PTPRQ: variants seen among roughly 807,000 people sequenced by gnomAD.
The protein encoded by PTPRQ is protein tyrosine phosphatase receptor type Q.
In PTPRQ, 199 loss-of-function variants were observed where a neutral mutation model predicts 246.0. The ratio of observed to expected loss-of-function variants is 0.81; its 90% CI spans 0.72 to 0.91. The LOEUF (loss-of-function observed/expected upper bound fraction) is 0.91. Among genes scored for constraint, PTPRQ ranks in the 40% least tolerant of loss-of-function variants. The pLI, the probability that PTPRQ is intolerant of heterozygous loss-of-function variation, is 0.00. For missense variants in PTPRQ, 2,624 were observed against 2,528.4 expected, an observed-to-expected ratio of 1.04 and a Z score of -0.81; for synonymous variants, 869 against 853.2, an observed-to-expected ratio of 1.02 and a Z score of -0.32.
At position 80,575,725 on chromosome 12, in the gene PTPRQ, G is replaced by C. The variant is rs889052796; in HGVS notation, c.4286-12404G>C. Reference sequence around the variant, plus strand: ...GTGGTGGCACATGCCTGTAATCCCAGCTGCTCAGGAGGGTGAGGTGGGACA... The same window carrying C: ...GTGGTGGCACATGCCTGTAATCCCACCTGCTCAGGAGGGTGAGGTGGGACA... On this transcript the variant is annotated intron_variant, in intron 25 of 44. Coordinates refer to ENST00000644991, the MANE Select transcript of PTPRQ (RefSeq NM_001145026.2). 5.3e-5 allele frequency among the ~76,000 whole-genome samples: 8 copies of C among 151,052 alleles called. No homozygotes were observed. In the East Asian group the frequency reaches 1.6e-3, roughly 30 times the overall value.
intron 3 of PTPRQ, among the ~76,000 whole-genome samples, chr12:80,456,474 A>C (rs1188953729): frequency 1.3e-5 from 2 of 152,064 alleles, no homozygotes; most frequent in Admixed American, 6.5e-5. Context: ...ACACATTCAG[A>C]TTAATTAACA....
In PTPRQ at chr12:80,616,372, GC is replaced by G. The variant is rs755165118; in HGVS notation, c.5230+107del. The G allele has an allele frequency of 1.4e-5, 15 of 1,084,820 alleles. No homozygotes were observed. In the Admixed American group the frequency reaches 1.6e-4, roughly 12 times the overall value. 67.2% of individuals were successfully genotyped at this position (1,084,820 alleles called of 1,614,324 possible). The stretch of plus-strand genomic sequence containing the variant: ...AGACAAGCCTTTAAGTGATAAATAT[GC>G]ATATATTAAGCACATACTAAGTAAA... On this transcript the variant is annotated intron_variant, in intron 30 of 44. Coordinates refer to ENST00000644991, the MANE Select transcript of PTPRQ (RefSeq NM_001145026.2).
In PTPRQ at chr12:80,624,233, G is replaced by T. The variant is rs924449232; in HGVS notation, c.5686+2099G>T. 8.5e-5 allele frequency among the ~76,000 whole-genome samples: 13 copies of T among 152,182 alleles called. 1 individual carries two copies. Among genetic ancestry groups the T allele is most frequent in the Admixed American group, 8.5e-4 (13 of 15,274 alleles). ...AGGAAGGAGGGACTGGTGAAATGTAGACTGGACACAATATATAGAAAGGCA... is the reference window on the plus strand; with the variant it reads ...AGGAAGGAGGGACTGGTGAAATGTATACTGGACACAATATATAGAAAGGCA... On this transcript the variant is annotated intron_variant, in intron 33 of 44. Transcript: ENST00000644991.
intron 19 of PTPRQ, among the ~76,000 whole-genome samples, chr12:80,536,303 G>C (rs1358364745): frequency 6.6e-6 from 1 of 152,164 alleles, no homozygotes; most frequent in Non-Finnish European, 1.5e-5. Flanking sequence ...GACAGCCCAA[G>C]TTTAGTCACT....
At chr12:80,580,061 C>T (rs150189793) in intron 25 of PTPRQ, among the ~76,000 whole-genome samples, 125 of 152,202 alleles carry the variant, frequency 8.2e-4, no homozygotes, top group Non-Finnish European at 1.5e-3. Flanking sequence ...CCTTCACAAT[C>T]CTATCAGGAG....
intron 17 of PTPRQ, among the ~76,000 whole-genome samples, chr12:80,533,748 A>G (rs1370665886): frequency 1.3e-5 from 2 of 152,040 alleles, no homozygotes. Flanking sequence ...AATATCCATT[A>G]AAATTGGTCC....
At chr12:80,484,305 C>T in intron 8 of PTPRQ, 128 bp from the exon 9 acceptor site, 1 of 1,191,366 alleles carries the variant, frequency 8.4e-7, no homozygotes, top group Non-Finnish European at 1.1e-6. Context: ...CCGCACCTAG[C>T]CTAGTCTGTT....
intron 10 of PTPRQ, among the ~76,000 whole-genome samples, chr12:80,493,899 G>A (rs1483104102): frequency 1.3e-5 from 2 of 151,992 alleles, no homozygotes; most frequent in East Asian, 1.9e-4. Flanking sequence ...CCCCAACGAT[G>A]TGGTGATGTC....
chr12:80,484,541 T>A lies in PTPRQ; in HGVS notation c.1295T>A (p.Val432Glu), dbSNP rs1274226406. The change falls in exon 9 of 45, where the codon GTG (valine) becomes GAG (glutamate). Residue 432 changes from valine (V) to glutamate (E), a missense_variant. Coordinates refer to ENST00000644991, the MANE Select transcript of PTPRQ (RefSeq NM_001145026.2). Reference sequence around the variant, plus strand: ...AATGGAATTATTAACCAATACCGAGTGAAAGTGCTAGTTCCAGAGACAGGA... The same window carrying A: ...AATGGAATTATTAACCAATACCGAGAGAAAGTGCTAGTTCCAGAGACAGGA... ...QPNGIINQYRVKVLVPETGII... is the reference protein window; with the variant it reads ...QPNGIINQYREKVLVPETGII... 2.6e-6 allele frequency: 4 copies of A among 1,551,026 alleles called. No homozygotes were observed. Among genetic ancestry groups the A allele is most frequent in the Admixed American group, 2.0e-5 (1 of 50,932 alleles).
chr12:80,660,641 CTTTAA>C (rs1468763459), intron 39 of PTPRQ, among the ~76,000 whole-genome samples: 1 of 151,992 alleles, frequency 6.6e-6, no homozygotes, highest in Admixed American at 6.6e-5. Flanking sequence ...CCTGCAATTA[CTTTAA>C]TTTGATGACA....
chr12:80,473,045 A>ATG (rs1555185234), intron 8 of PTPRQ, among the ~76,000 whole-genome samples: 1 of 92,388 alleles, frequency 1.1e-5, no homozygotes, highest in East Asian at 3.1e-4. Context: ...ACTCACACAC[A>ATG]CGCACACACA....
At chr12:80,600,275 G>A (rs941109215) in intron 26 of PTPRQ, among the ~76,000 whole-genome samples, 1 of 151,614 alleles carries the variant, frequency 6.6e-6, no homozygotes, top group Non-Finnish European at 1.5e-5. Flanking sequence ...TCTGCTTGGG[G>A]TCACACACTC....
At chr12:80,475,773 T>C (rs1306610916) in intron 8 of PTPRQ, among the ~76,000 whole-genome samples, 2 of 152,042 alleles carry the variant, frequency 1.3e-5, no homozygotes, top group Non-Finnish European at 2.9e-5. Context: ...TTAAGTATCA[T>C]GGGGCAACAC....
Position 80,493,442 on chromosome 12 carries a change from G to T in PTPRQ, c.1527G>T (p.Gln509His), listed in dbSNP as rs927018658. ...CTGCAAGGAATAGAGCTGAAGACCA[G>T]ACTTCACCAGTTGGTAGGTAGAATT... ...NFPARNRAED[Q>H]TSPVVTTRNQ... Residue 509 changes from glutamine (Q) to histidine (H), a missense_variant, in exon 10 of 45, where the codon CAG becomes CAT. Transcript: ENST00000644991. 11 of 1,547,976 alleles carry T rather than the reference G, an allele frequency of 7.1e-6. No homozygotes were observed. The highest frequency in any genetic ancestry group is 9.6e-6 in the Non-Finnish European group (11 of 1,145,090).
chr12:80,534,846 C>T (rs1164210777), intron 18 of PTPRQ, 46 bp from the exon 19 acceptor site: 3 of 1,520,746 alleles, frequency 2.0e-6, no homozygotes, highest in East Asian at 5.0e-5. Flanking sequence ...TCAGACATTA[C>T]TTGTAAACAC....
chr12:80,672,543 T>A (rs1466374971), intron 42 of PTPRQ, among the ~76,000 whole-genome samples: 1 of 152,016 alleles, frequency 6.6e-6, no homozygotes, highest in African/African-American at 2.4e-5. Flanking sequence ...GTCTTTCTGA[T>A]AATAGGAATT....
chr12:80,572,541 A>G (rs908318406), intron 25 of PTPRQ, among the ~76,000 whole-genome samples: 10 of 152,118 alleles, frequency 6.6e-5, no homozygotes. Context: ...TTGACTCTCC[A>G]GTACAGTGTT....
rs1296590421 is a variant in PTPRQ at position 80,679,258 on chromosome 12, A to T, written c.*235A>T. On this transcript the variant is annotated 3_prime_UTR_variant, in exon 45 of 45. Transcript: ENST00000644991. ...ATGCATTTTAAATGCTTAAGAAAAG[A>T]CATCCCATATGTTTTTGAAGTCCTC... The T allele has an allele frequency of 7.8e-6, 3 of 382,290 alleles. No homozygotes were observed. Among genetic ancestry groups the T allele is most frequent in the East Asian group, 8.7e-5 (2 of 23,118 alleles). 23.7% of individuals were successfully genotyped at this position (382,290 alleles called of 1,614,324 possible). A position where few individuals can be genotyped will look rare whatever the true frequency, so the allele number is the denominator to read the frequency against.
chr12:80,454,985 A>G (rs1892925288), intron 3 of PTPRQ, among the ~76,000 whole-genome samples: 3 of 152,184 alleles, frequency 2.0e-5, no homozygotes, highest in Admixed American at 2.0e-4. Context: ...CAGCCTGGCC[A>G]ATATGGCGAA....
Sources: gnomAD v4.1 joint callset for allele counts (sites outside exome capture counted in the v4.1 genomes callset) on GRCh38, gnomAD v4.1.1 for gene constraint, MANE v1.5 for transcripts, NCBI Gene and HGNC (gene_info 2026-07-23, HGNC 2026-07-21) for gene names.